The following KCNC2 variants were observed in gnomAD, a reference collection of about 807,000 sequenced individuals.
KCNC2 encodes the protein potassium voltage-gated channel subfamily C member 2, also known as voltage-gated potassium channel KCNC2.
A neutral mutation model predicts 44.5 loss-of-function variants in KCNC2; 21 were observed. That is an observed-to-expected ratio of 0.47 (90% CI 0.33 to 0.68). KCNC2 has a LOEUF of 0.68. KCNC2 is among the 30% of genes least tolerant of loss of function. The probability of loss-of-function intolerance (pLI) is 0.01; values close to 1 mark genes in which losing one functional copy is unlikely to be tolerated. For synonymous variants in KCNC2, 391 were observed against 339.1 expected (o/e 1.15, Z -1.68); for missense variants, 589 against 826.2 (o/e 0.71, Z 3.52).
chr12:75,042,173 C>A lies in KCNC2; in HGVS notation c.*932G>T. The A allele has an allele frequency of 7.7e-7, 1 of 1,299,820 alleles. No homozygotes were observed. Among genetic ancestry groups the A allele is most frequent in the Admixed American group, 3.8e-5 (1 of 26,374 alleles). 80.5% of individuals were successfully genotyped at this position (1,299,820 alleles called of 1,614,324 possible). On this transcript the variant is annotated 3_prime_UTR_variant, in exon 5 of 5. Coordinates refer to ENST00000549446, the MANE Select transcript of KCNC2 (RefSeq NM_139137.4). ...CAAGAGCTTTGGGTGATATTTGGCACTCTGCCTCTGAAAATGATGACAAAC... is the reference window on the plus strand; with the variant it reads ...CAAGAGCTTTGGGTGATATTTGGCAATCTGCCTCTGAAAATGATGACAAAC...
rs1304280790 is a variant in KCNC2 at position 75,194,483 on chromosome 12, G to A, written c.687+12814C>T. Reference sequence around the variant, plus strand: ...CTTCTAGCCTCCAAAACTGTAAGACGATAGGTGTCTGTTGTCTTAAGTCAC... The same window carrying A: ...CTTCTAGCCTCCAAAACTGTAAGACAATAGGTGTCTGTTGTCTTAAGTCAC... On this transcript the variant is annotated intron_variant, in intron 2 of 4. Coordinates refer to ENST00000549446, the MANE Select transcript of KCNC2 (RefSeq NM_139137.4). Among the ~76,000 whole-genome samples the A allele has an allele frequency of 2.6e-5, 4 of 152,180 alleles. No individual in the cohort carries two copies. The East Asian group carries it at 5.8e-4, about 22-fold the overall frequency.
At chr12:75,067,791 T>C (rs1882984516) in intron 2 of KCNC2, among the ~76,000 whole-genome samples, 2 of 152,162 alleles carry the variant, frequency 1.3e-5, no homozygotes, top group African/African-American at 2.4e-5. Flanking sequence ...ACCTGCCTCC[T>C]TCTGTTTTCA....
At chr12:75,044,316 T>C (rs1880238731) in intron 4 of KCNC2, among the ~76,000 whole-genome samples, 1 of 151,970 alleles carries the variant, frequency 6.6e-6, no homozygotes, top group African/African-American at 2.4e-5. Context: ...GAAATTCTTT[T>C]TTGGCAACCA....
At chr12:75,111,102 AT>A (rs1461065669) in intron 2 of KCNC2, among the ~76,000 whole-genome samples, 3 of 152,126 alleles carry the variant, frequency 2.0e-5, no homozygotes, top group African/African-American at 7.2e-5. Context: ...AAATTATCAA[AT>A]TTTTCACACA....
At chr12:75,203,805 C>A (rs1323069596) in intron 2 of KCNC2, among the ~76,000 whole-genome samples, 1 of 151,766 alleles carries the variant, frequency 6.6e-6, no homozygotes, top group African/African-American at 2.4e-5. Flanking sequence ...TTTAATATTC[C>A]AAACAGATTC....
At chr12:75,189,210 G>T (rs1174701533) in intron 2 of KCNC2, among the ~76,000 whole-genome samples, 1 of 152,122 alleles carries the variant, frequency 6.6e-6, no homozygotes, top group Non-Finnish European at 1.5e-5. Context: ...TTTGTAAGAG[G>T]GATGAACCCT....
chr12:75,099,806 A>G (rs1375024682), intron 2 of KCNC2, among the ~76,000 whole-genome samples: 3 of 152,182 alleles, frequency 2.0e-5, no homozygotes, highest in Admixed American at 6.6e-5. Context: ...TATTTGTCAG[A>G]GTGAACCAAA....
chr12:75,067,326 C>A (rs1210563951), intron 2 of KCNC2, among the ~76,000 whole-genome samples: 1 of 152,172 alleles, frequency 6.6e-6, no homozygotes, highest in East Asian at 1.9e-4. Context: ...AATTCATATG[C>A]AGTTCTTCCT....
chr12:75,043,696 A>G, intron 4 of KCNC2: 1 of 1,391,556 alleles, frequency 7.2e-7, no homozygotes, highest in Non-Finnish European at 9.4e-7. Flanking sequence ...TTAAATGGAC[A>G]ACTCTTTTTC....
intron 2 of KCNC2, among the ~76,000 whole-genome samples, chr12:75,097,481 A>G (rs1886030830): frequency 6.6e-6 from 1 of 152,148 alleles, no homozygotes; most frequent in African/African-American, 2.4e-5. Flanking sequence ...CTGATAATAG[A>G]GGAAAATGGG....
chr12:75,044,036 A>T lies in KCNC2; in HGVS notation c.1781-795T>A, dbSNP rs569004914. On this transcript the variant is annotated intron_variant, in intron 4 of 4. Transcript: ENST00000549446. ...GTTCATGATAGCTACGAACTTACAA[A>T]ATAAAAGATGCTCTCATAAACTTTA... Among the ~76,000 whole-genome samples, 10 of 152,076 alleles carry T rather than the reference A, an allele frequency of 6.6e-5. No individual in the cohort carries two copies. In the East Asian group the frequency reaches 1.7e-3, roughly 27 times the overall value.
At chr12:75,201,449 C>T (rs1014512280) in intron 2 of KCNC2, among the ~76,000 whole-genome samples, 3 of 151,656 alleles carry the variant, frequency 2.0e-5, no homozygotes, top group African/African-American at 7.3e-5. Context: ...TAGATACTAT[C>T]TAGTCCAATG....
chr12:75,134,259 C>T (rs17121121), intron 2 of KCNC2, among the ~76,000 whole-genome samples: 8,281 of 151,788 alleles, frequency 0.055, 282 homozygotes, highest in African/African-American at 0.086. Flanking sequence ...TAGTGAACTG[C>T]CTATAATAGG....
intron 2 of KCNC2, among the ~76,000 whole-genome samples, chr12:75,078,683 T>C (rs1884212956): frequency 6.6e-6 from 1 of 152,164 alleles, no homozygotes; most frequent in Non-Finnish European, 1.5e-5. Context: ...TAAGGGCACA[T>C]AGATAATAGG....
intron 2 of KCNC2, among the ~76,000 whole-genome samples, chr12:75,186,669 A>G (rs1315507271): frequency 6.6e-6 from 1 of 152,230 alleles, no homozygotes; most frequent in Non-Finnish European, 1.5e-5. Context: ...TGCCAATTAC[A>G]AAGACAACAG....
chr12:75,159,022 A>G (rs1890944427), intron 2 of KCNC2, among the ~76,000 whole-genome samples: 1 of 151,072 alleles, frequency 6.6e-6, no homozygotes, highest in Admixed American at 6.6e-5. Context: ...GTTAAGAAAT[A>G]TCTGAGAACA....
intron 2 of KCNC2, among the ~76,000 whole-genome samples, chr12:75,186,316 G>A (rs1037527758): frequency 2.6e-5 from 4 of 151,798 alleles, no homozygotes; most frequent in African/African-American, 2.4e-5. Flanking sequence ...CAAAACAATC[G>A]ATTCATGGAG....
intron 2 of KCNC2, among the ~76,000 whole-genome samples, chr12:75,203,757 A>G (rs2031478614): frequency 6.6e-6 from 1 of 151,926 alleles, no homozygotes; most frequent in South Asian, 2.1e-4. Flanking sequence ...ATATAAGTGA[A>G]AAGAAGAGAA....
At chr12:75,093,312 A>G (rs1249881597) in intron 2 of KCNC2, among the ~76,000 whole-genome samples, 3 of 151,600 alleles carry the variant, frequency 2.0e-5, no homozygotes, top group Non-Finnish European at 4.4e-5. Context: ...ATATGTTACA[A>G]GATCAGTTTA....
Sources: allele counts gnomAD v4.1 joint callset (sites outside exome capture counted in the v4.1 genomes callset), GRCh38; gene constraint gnomAD v4.1.1; transcripts MANE v1.5; gene names NCBI Gene and HGNC (gene_info 2026-07-23, HGNC 2026-07-21).